MAST4: variants seen among roughly 807,000 people sequenced by gnomAD.
MAST4 encodes the protein microtubule-associated serine/threonine-protein kinase 4.
Under a neutral mutation model 162.7 loss-of-function variants are expected in MAST4, and 89 were observed. The ratio of observed to expected loss-of-function variants is 0.55; its 90% CI spans 0.46 to 0.65. The LOEUF is 0.65. Among genes scored for constraint, MAST4 ranks in the 30% least tolerant of loss-of-function variants. The pLI, the probability that MAST4 is intolerant of heterozygous loss-of-function variation, is 0.00. For missense variants in MAST4, 3,153 were observed against 3,374.0 expected, an observed-to-expected ratio of 0.93 and a Z score of 1.62; for synonymous variants, 1,479 against 1,361.1, an observed-to-expected ratio of 1.09 and a Z score of -1.91.
intron 2 of MAST4, among the ~76,000 whole-genome samples, chr5:66,760,127 T>TTTA (rs1753775656): frequency 5.6e-5 from 6 of 106,450 alleles, no homozygotes; most frequent in Non-Finnish European, 1.2e-4. Context: ...TTATTTATTT[T>TTTA]TTGAGACAGA....
At chr5:66,825,100 C>G (rs1249441816) in intron 3 of MAST4, among the ~76,000 whole-genome samples, 1 of 152,122 alleles carries the variant, frequency 6.6e-6, no homozygotes, top group Non-Finnish European at 1.5e-5. Context: ...AACCTTTTTA[C>G]TTTATAGACT....
chr5:67,054,542 T>C, intron 5 of MAST4, 50 bp downstream of exon 5: 3 of 1,476,150 alleles, frequency 2.0e-6, no homozygotes, highest in Non-Finnish European at 1.8e-6. Flanking sequence ...TATTTGTTGG[T>C]TTTTTAAAAT....
chr5:67,022,396 C>T (rs1382954302), intron 4 of MAST4, among the ~76,000 whole-genome samples: 1 of 147,874 alleles, frequency 6.8e-6, no homozygotes, highest in East Asian at 2.0e-4. Context: ...GTCTTGTGTT[C>T]CCTATTTTCT....
chr5:66,877,569 C>T (rs753898450), intron 3 of MAST4, among the ~76,000 whole-genome samples: 1 of 152,202 alleles, frequency 6.6e-6, no homozygotes, highest in Non-Finnish European at 1.5e-5. Context: ...AAAGTGGAGA[C>T]GAGAGGTAGA....
intron 2 of MAST4, among the ~76,000 whole-genome samples, chr5:66,776,277 T>C (rs1417367799): frequency 6.6e-6 from 1 of 152,218 alleles, no homozygotes; most frequent in Non-Finnish European, 1.5e-5. Context: ...GTCAGAAATG[T>C]TTTGTGTCTC....
chr5:66,804,213 T>C (rs1756065397), intron 3 of MAST4, among the ~76,000 whole-genome samples: 1 of 152,216 alleles, frequency 6.6e-6, no homozygotes, highest in South Asian at 2.1e-4. Flanking sequence ...AGTTTTAATA[T>C]CAAGGTTATG....
intron 4 of MAST4, among the ~76,000 whole-genome samples, chr5:67,042,240 G>A (rs557259873): frequency 3.3e-5 from 5 of 152,218 alleles, no homozygotes; most frequent in African/African-American, 9.6e-5. Flanking sequence ...GTGGTGCTAC[G>A]TTGGCAAGTC....
chr5:66,884,567 C>T (rs1323582621), intron 3 of MAST4, among the ~76,000 whole-genome samples: 1 of 152,188 alleles, frequency 6.6e-6, no homozygotes, highest in Non-Finnish European at 1.5e-5. Context: ...ACCCAGAAGC[C>T]TGTTTGATTA....
chr5:67,017,159 C>T (rs1184755045), intron 4 of MAST4, among the ~76,000 whole-genome samples: 1 of 152,164 alleles, frequency 6.6e-6, no homozygotes, highest in African/African-American at 2.4e-5. Context: ...TAAGAATAGA[C>T]TATAAATAAT....
intron 1 of MAST4, among the ~76,000 whole-genome samples, chr5:66,615,502 A>C (rs1006742300): frequency 2.0e-5 from 3 of 152,170 alleles, no homozygotes; most frequent in Non-Finnish European, 4.4e-5. Flanking sequence ...AGGCCTTGGA[A>C]TCAGAATGAG....
chr5:66,736,148 T>C (rs1350448716), intron 1 of MAST4, among the ~76,000 whole-genome samples: 2 of 152,190 alleles, frequency 1.3e-5, no homozygotes, highest in Admixed American at 6.5e-5. Flanking sequence ...ATACCATTGA[T>C]CCTTCCTTTC....
At chr5:66,639,278 T>TTTTGTGTGTGTGTG (rs375120511) in intron 1 of MAST4, among the ~76,000 whole-genome samples, 17 of 138,624 alleles carry the variant, frequency 1.2e-4, no homozygotes, top group Non-Finnish European at 2.2e-4. Context: ...GAGAGGCAGC[T>TTTTGTGTGTGTGTG]TGTGTGTGTG....
At chr5:66,928,613 C>G (rs1187615835) in intron 4 of MAST4, among the ~76,000 whole-genome samples, 1 of 151,078 alleles carries the variant, frequency 6.6e-6, no homozygotes, top group Admixed American at 6.6e-5. Context: ...AACCTAGAAA[C>G]CTCCCAGCTG....
At chr5:66,748,887 T>A (rs890842141) in intron 1 of MAST4, among the ~76,000 whole-genome samples, 4 of 149,328 alleles carry the variant, frequency 2.7e-5, no homozygotes, top group African/African-American at 1.0e-4. Flanking sequence ...CCCAGGATGG[T>A]GTGGTCTAGG....
intron 4 of MAST4, among the ~76,000 whole-genome samples, chr5:66,917,793 C>G (rs1278529688): frequency 1.3e-5 from 2 of 152,114 alleles, no homozygotes; most frequent in Non-Finnish European, 2.9e-5. Flanking sequence ...AATACACTGG[C>G]TTTTCTAGTG....
chr5:66,707,514 G>A (rs1750213647), intron 1 of MAST4, among the ~76,000 whole-genome samples: 1 of 152,144 alleles, frequency 6.6e-6, no homozygotes, highest in Non-Finnish European at 1.5e-5. Context: ...AGCAGGGTTG[G>A]TTTCATTATG....
intron 4 of MAST4, among the ~76,000 whole-genome samples, chr5:67,049,893 G>GCTTT (rs1165455219): frequency 5.9e-5 from 9 of 152,200 alleles, no homozygotes; most frequent in Non-Finnish European, 1.2e-4. Flanking sequence ...GGGCTTCACA[G>GCTTT]CTTTCAGAGA....
In MAST4 at chr5:66,608,355, C is replaced by CTTTTTTT. The variant is rs72272071; in HGVS notation, c.363+11362_363+11368dup. On this transcript the variant is annotated intron_variant, in intron 1 of 28. Transcript: ENST00000403625. ...ACAGACATGAACCACTGTGCCTGGC[C>CTTTTTTT]TTTTTTTTTTTTTTTTTTTTTTTTT... is the stretch of plus-strand genomic sequence containing the variant. Among the ~76,000 whole-genome samples, 26 of 44,416 alleles carry CTTTTTTT rather than the reference C, an allele frequency of 5.9e-4. 1 individual carries two copies. The highest frequency in any genetic ancestry group is 1.7e-3 in the African/African-American group (18 of 10,670). The allele number at this position is 44,416 out of a possible 152,430, so 29.1% of individuals were successfully genotyped here. A position where few individuals can be genotyped will look rare whatever the true frequency, so the allele number is the denominator to read the frequency against.
At chr5:66,713,672 T>A (rs1398990275) in intron 1 of MAST4, among the ~76,000 whole-genome samples, 3 of 152,238 alleles carry the variant, frequency 2.0e-5, no homozygotes, top group Non-Finnish European at 4.4e-5. Flanking sequence ...TGCAAACGTT[T>A]CGTAATATGC....
Sources: gnomAD v4.1 joint callset for allele counts (sites outside exome capture counted in the v4.1 genomes callset) on GRCh38, gnomAD v4.1.1 for gene constraint, MANE v1.5 for transcripts, NCBI Gene and HGNC (gene_info 2026-07-23, HGNC 2026-07-21) for gene names.